The following RBFOX1 variants were observed in gnomAD, a reference collection of about 807,000 sequenced individuals.
RBFOX1 encodes the protein RNA binding fox-1 homolog 1, also known as RNA binding protein fox-1 homolog 1.
RBFOX1 carries 8 observed loss-of-function variants against 57.7 expected under a neutral mutation model. That is an observed-to-expected ratio of 0.14 (90% CI 0.08 to 0.25). The LOEUF is 0.25. RBFOX1 is among the 10% of genes least tolerant of loss of function. The pLI is 1.00. For missense variants in RBFOX1, 611 were observed against 548.5 expected (o/e 1.11, Z -1.14); for synonymous variants, 326 against 222.4 (o/e 1.47, Z -4.15).
At chr16:6,625,990 A>C (rs2098299314) in intron 2 of RBFOX1, among the ~76,000 whole-genome samples, 1 of 152,186 alleles carries the variant, frequency 6.6e-6, no homozygotes, top group Non-Finnish European at 1.5e-5. Context: ...TCTAATCAAA[A>C]TTGATTTATG....
At chr16:7,384,307 G>C (rs1015377656) in intron 4 of RBFOX1, among the ~76,000 whole-genome samples, 1 of 152,084 alleles carries the variant, frequency 6.6e-6, no homozygotes, top group African/African-American at 2.4e-5. Context: ...AAAGGGGACA[G>C]TCATTTAGTG....
chr16:7,119,382 G>A (rs1198476304), intron 4 of RBFOX1, among the ~76,000 whole-genome samples: 2 of 152,064 alleles, frequency 1.3e-5, no homozygotes, highest in Admixed American at 6.6e-5. Flanking sequence ...AGCCTCTAGA[G>A]ATAAAAAGTA....
intron 4 of RBFOX1, among the ~76,000 whole-genome samples, chr16:7,179,990 G>T (rs572680706): frequency 6.6e-6 from 1 of 151,616 alleles, no homozygotes; most frequent in Non-Finnish European, 1.5e-5. Context: ...TGATCTGCCC[G>T]CCTTAGACCC....
At chr16:7,509,966 GTTTT>G (rs5815406) in intron 4 of RBFOX1, among the ~76,000 whole-genome samples, 1 of 141,758 alleles carries the variant, frequency 7.1e-6, no homozygotes, top group Non-Finnish European at 1.5e-5. Flanking sequence ...CGAGCAGTGG[GTTTT>G]TTTTTTTTTT....
intron 3 of RBFOX1, among the ~76,000 whole-genome samples, chr16:6,926,422 TC>T (rs1597414190): frequency 6.6e-6 from 1 of 152,220 alleles, no homozygotes; most frequent in East Asian, 1.9e-4. Flanking sequence ...ACAGCAGGCC[TC>T]AGAATTTCCC....
rs1447836189 is a variant in RBFOX1 at position 6,748,113 on chromosome 16, G to A, written c.-16+93463G>A. 2.0e-5 allele frequency among the ~76,000 whole-genome samples: 3 copies of A among 151,970 alleles called. No homozygotes were observed. In the East Asian group the frequency reaches 5.8e-4, roughly 29 times the overall value. On this transcript the variant is annotated intron_variant, in intron 3 of 15. Coordinates refer to ENST00000550418, the MANE Select transcript of RBFOX1 (RefSeq NM_018723.4). ...AACTTGTATATGTAATTATTATCTG[G>A]TAGGATCATTTTTTTTCCTAGCGTT...
At chr16:6,571,105 G>A (rs1040653941) in intron 2 of RBFOX1, among the ~76,000 whole-genome samples, 1 of 152,154 alleles carries the variant, frequency 6.6e-6, no homozygotes, top group South Asian at 2.1e-4. Flanking sequence ...CAAGTTTGTG[G>A]GTCCTCAGGG....
At chr16:6,718,118 T>A (rs1326388290) in intron 3 of RBFOX1, among the ~76,000 whole-genome samples, 1 of 152,236 alleles carries the variant, frequency 6.6e-6, no homozygotes, top group Non-Finnish European at 1.5e-5. Flanking sequence ...GGGTATTTTT[T>A]ACAGAAGACC....
intron 3 of RBFOX1, among the ~76,000 whole-genome samples, chr16:5,819,008 G>A (rs1051410433): frequency 1.1e-4 from 17 of 152,056 alleles, no homozygotes; most frequent in African/African-American, 3.9e-4. Flanking sequence ...CTCCTCCTCT[G>A]CTCCATTTCC....
chr16:7,425,299 A>G (rs879424661), intron 4 of RBFOX1, among the ~76,000 whole-genome samples: 5 of 152,214 alleles, frequency 3.3e-5, no homozygotes, highest in Non-Finnish European at 5.9e-5. Context: ...ATGACTTCTT[A>G]TAAACCCGCA....
chr16:6,222,399 T>C (rs1313407318), intron 1 of RBFOX1, among the ~76,000 whole-genome samples: 4 of 151,718 alleles, frequency 2.6e-5, no homozygotes, highest in African/African-American at 9.7e-5. Flanking sequence ...TAGACAAGAG[T>C]GATGTACGTT....
intron 3 of RBFOX1, among the ~76,000 whole-genome samples, chr16:6,741,883 G>A (rs2072263076): frequency 6.6e-6 from 1 of 152,164 alleles, no homozygotes; most frequent in Non-Finnish European, 1.5e-5. Flanking sequence ...GTTTTAGTTA[G>A]ATAGGAGGAA....
intron 2 of RBFOX1, among the ~76,000 whole-genome samples, chr16:5,495,762 A>G (rs1313571906): frequency 1.3e-5 from 2 of 152,230 alleles, no homozygotes; most frequent in Non-Finnish European, 2.9e-5. Flanking sequence ...TATGGGTGGC[A>G]GCACAATTCT....
chr16:6,586,172 G>T (rs548841288), intron 2 of RBFOX1, among the ~76,000 whole-genome samples: 12 of 152,174 alleles, frequency 7.9e-5, no homozygotes, highest in African/African-American at 2.9e-4. Context: ...GAAGGCAGCC[G>T]TAGGCAGTTG....
At chr16:5,300,688 G>C (rs1386497985) in intron 1 of RBFOX1, among the ~76,000 whole-genome samples, 2 of 152,132 alleles carry the variant, frequency 1.3e-5, no homozygotes, top group African/African-American at 2.4e-5. Context: ...TATGATAACT[G>C]TAAAACTTTT....
chr16:5,748,790 A>T (rs571822865), intron 3 of RBFOX1, among the ~76,000 whole-genome samples: 1 of 152,220 alleles, frequency 6.6e-6, no homozygotes, highest in South Asian at 2.1e-4. Flanking sequence ...GGTTTCCTGA[A>T]TACAGCACAC....
intron 2 of RBFOX1, among the ~76,000 whole-genome samples, chr16:5,563,958 C>T (rs1217508972): frequency 6.6e-6 from 1 of 152,102 alleles, no homozygotes; most frequent in Non-Finnish European, 1.5e-5. Flanking sequence ...TGGTTAGGAA[C>T]CACGTCATTT....
At chr16:5,881,473 A>G (rs2057761306) in intron 4 of RBFOX1, among the ~76,000 whole-genome samples, 1 of 152,140 alleles carries the variant, frequency 6.6e-6, no homozygotes, top group South Asian at 2.1e-4. Context: ...TGAGGTGAAG[A>G]GTTCGAGACC....
At chr16:6,220,198 G>A (rs1425717689) in intron 1 of RBFOX1, among the ~76,000 whole-genome samples, 3 of 152,058 alleles carry the variant, frequency 2.0e-5, no homozygotes, top group Non-Finnish European at 2.9e-5. Flanking sequence ...CTGTGGGTGT[G>A]TGTATATGTA....
Sources: allele counts gnomAD v4.1 joint callset (sites outside exome capture counted in the v4.1 genomes callset), GRCh38; gene constraint gnomAD v4.1.1; transcripts MANE v1.5; gene names NCBI Gene and HGNC (gene_info 2026-07-23, HGNC 2026-07-21).